TRAPPC10: variants seen among roughly 807,000 people sequenced by gnomAD.
The protein encoded by TRAPPC10 is trafficking protein particle complex subunit 10, also known as TRAPP 130 kDa subunit.
In TRAPPC10, 23 loss-of-function variants were observed where a neutral mutation model predicts 125.5. The ratio of observed to expected loss-of-function variants is 0.18; its 90% CI spans 0.13 to 0.26. The LOEUF (loss-of-function observed/expected upper bound fraction) is 0.26. Ranked by LOEUF, TRAPPC10 falls within the 10% of genes least tolerant of loss-of-function variation. The probability of loss-of-function intolerance (pLI) is 1.00; values close to 1 mark genes in which losing one functional copy is unlikely to be tolerated. For synonymous variants in TRAPPC10, 509 were observed against 518.0 expected (o/e 0.98, Z 0.24); for missense variants, 1,123 against 1,308.4 (o/e 0.86, Z 2.19).
chr21:44,083,211 CA>C lies in TRAPPC10; in HGVS notation c.2148del (p.Val718TrpfsTer10). On this transcript the variant is annotated frameshift_variant, in exon 14 of 23. Transcript: ENST00000291574. LOFTEE classifies it high-confidence loss of function. ...AGCAGCTCCTCTCTAGAGATGCCCT[CA>C]GGGGTGGCTCTGGAGGAGGGTGCCC... ...QESSSSLEMP[S>X]GVALEEGAHV... 6.2e-7 allele frequency: 1 copy of C among 1,614,182 alleles called. No homozygotes were observed. Among genetic ancestry groups the C allele is most frequent in the South Asian group, 1.1e-5 (1 of 91,076 alleles).
chr21:44,032,024 C>G (rs899933321), intron 1 of TRAPPC10, 67 bp from the exon 2 acceptor site: 1 of 1,310,674 alleles, frequency 7.6e-7, no homozygotes, highest in Admixed American at 1.8e-5. Context: ...ATTTATTAAG[C>G]TCTAGAGCCA....
intron 7 of TRAPPC10, among the ~76,000 whole-genome samples, chr21:44,072,327 T>C (rs534190304): frequency 3.4e-4 from 52 of 152,336 alleles, no homozygotes; most frequent in Non-Finnish European, 6.2e-4. Flanking sequence ...CTGCTCTTGC[T>C]TCTGCATCCA....
chr21:44,076,418 G>A, intron 9 of TRAPPC10, 134 bp from the exon 10 acceptor site: 2 of 636,134 alleles, frequency 3.1e-6, no homozygotes, highest in South Asian at 1.9e-5. Flanking sequence ...TGTAGTTTCC[G>A]TTGGCATTGG....
At chr21:44,052,599 A>G (rs987860156) in intron 4 of TRAPPC10, 123 bp downstream of exon 4, 1 of 899,960 alleles carries the variant, frequency 1.1e-6, no homozygotes, top group East Asian at 2.7e-5. Flanking sequence ...GGGTGCTGTC[A>G]AGGAGACCTG....
intron 17 of TRAPPC10, 184 bp from the exon 18 acceptor site, chr21:44,089,649 C>T: frequency 1.6e-6 from 1 of 620,654 alleles, no homozygotes; most frequent in South Asian, 1.5e-5. Flanking sequence ...TGCATAGCTT[C>T]CTGTTTCTCG....
chr21:44,065,758 C>T (rs973562295), intron 7 of TRAPPC10, among the ~76,000 whole-genome samples: 4 of 152,250 alleles, frequency 2.6e-5, no homozygotes, highest in African/African-American at 9.6e-5. Flanking sequence ...CCTCTTTGCA[C>T]ACTTTGCACC....
In TRAPPC10 at chr21:44,086,925, C is replaced by G; in HGVS notation, c.2504C>G (p.Ala835Gly). 1 of 1,614,142 alleles carries G rather than the reference C, an allele frequency of 6.2e-7. No individual in the cohort carries two copies. Residue 835 changes from alanine to glycine, a missense_variant, in exon 16 of 23, where the codon GCG (alanine) becomes GGG (glycine). Coordinates refer to ENST00000291574, the MANE Select transcript of TRAPPC10 (RefSeq NM_003274.5). ...GAAGCCATGCTCATCCTGTGCCAGGCGGAGAGCAGGGCTGTGGTCTACTCC... is the reference window on the plus strand; with the variant it reads ...GAAGCCATGCTCATCCTGTGCCAGGGGGAGAGCAGGGCTGTGGTCTACTCC... Reference protein sequence around the residue: ...NAEAMLILCQAESRAVVYSNT... With the variant: ...NAEAMLILCQGESRAVVYSNT...
intron 7 of TRAPPC10, among the ~76,000 whole-genome samples, chr21:44,071,526 G>A (rs2036867145): frequency 6.6e-6 from 1 of 152,186 alleles, no homozygotes; most frequent in Non-Finnish European, 1.5e-5. Flanking sequence ...TAGAGAAGAA[G>A]CAGAGTGCTC....
chr21:44,064,303 ATGTGTGTGTGTGTGTG>A (rs10526131), intron 7 of TRAPPC10, among the ~76,000 whole-genome samples: 28 of 148,314 alleles, frequency 1.9e-4, no homozygotes, highest in Non-Finnish European at 2.6e-4. Flanking sequence ...TGTCATAAAT[ATGTGTGTGTGTGTGTG>A]TGTGTGTGTG....
chr21:44,041,026 T>C (rs988251186), intron 3 of TRAPPC10, among the ~76,000 whole-genome samples: 3 of 152,232 alleles, frequency 2.0e-5, no homozygotes, highest in Non-Finnish European at 4.4e-5. Context: ...GAATTTTATT[T>C]AGGAGTTTTT....
chr21:44,060,000 T>G lies in TRAPPC10; in HGVS notation c.790+786T>G, dbSNP rs1444712459. On this transcript the variant is annotated intron_variant, in intron 6 of 22. Transcript: ENST00000291574. This position sits in a 1 kb window ranked among gnomAD's most constrained non-coding sequence, Gnocchi z 4.4. Reference sequence around the variant, plus strand: ...CTTTTTGAGAACCCTTGTCACCATGTGTGAAGGAAGGAGTAATTTTGAGGA... The same window carrying G: ...CTTTTTGAGAACCCTTGTCACCATGGGTGAAGGAAGGAGTAATTTTGAGGA... 1 of 155,080 alleles carries G rather than the reference T, an allele frequency of 6.4e-6. No homozygotes were observed. The highest frequency in any genetic ancestry group is 2.4e-5 in the African/African-American group (1 of 41,422). 9.6% of individuals were successfully genotyped at this position (155,080 alleles called of 1,614,324 possible). A position where few individuals can be genotyped will look rare whatever the true frequency, so the allele number is the denominator to read the frequency against.
chr21:44,014,718 A>G (rs1245460676), intron 1 of TRAPPC10, among the ~76,000 whole-genome samples: 4 of 149,508 alleles, frequency 2.7e-5, no homozygotes, highest in Admixed American at 6.7e-5. Context: ...TTGAGCCCCC[A>G]CCCTTGGCCT....
chr21:44,056,319 G>T (rs2035585971), intron 5 of TRAPPC10, among the ~76,000 whole-genome samples: 1 of 152,164 alleles, frequency 6.6e-6, no homozygotes, highest in Admixed American at 6.5e-5. Context: ...TCACTTTTAA[G>T]CCAGTGCTCC....
At chr21:44,052,902 CTG>C (rs1317856692) in intron 4 of TRAPPC10, among the ~76,000 whole-genome samples, 2 of 152,142 alleles carry the variant, frequency 1.3e-5, no homozygotes, top group East Asian at 1.9e-4. Context: ...CCTTCAGAAA[CTG>C]TGAAAGGGAA....
At chr21:44,081,017 C>CTTTTTTTTTTTTT (rs67865929) in intron 13 of TRAPPC10, among the ~76,000 whole-genome samples, 257 of 97,216 alleles carry the variant, frequency 2.6e-3, no homozygotes, top group Non-Finnish European at 3.8e-3. Context: ...TTTTTTTTTT[C>CTTTTTTTTTTTTT]TTTTTTTTTT....
intron 3 of TRAPPC10, among the ~76,000 whole-genome samples, chr21:44,050,591 T>C (rs2035168797): frequency 6.6e-6 from 1 of 152,186 alleles, no homozygotes; most frequent in Admixed American, 6.5e-5. Flanking sequence ...CATGGCGTGT[T>C]GGGGCTTCCA....
Position 44,058,892 on chromosome 21 carries a change from A to G in TRAPPC10, c.679-211A>G, listed in dbSNP as rs567525233. ...ATCTGGTGCTGCCGATAGGTCGGGGAGGGTTCAGAAATTACCTTAGCTTTT... is the reference window on the plus strand; with the variant it reads ...ATCTGGTGCTGCCGATAGGTCGGGGGGGGTTCAGAAATTACCTTAGCTTTT... On this transcript the variant is annotated intron_variant, in intron 5 of 22. Transcript: ENST00000291574. Among the ~76,000 whole-genome samples, 40 of 152,208 alleles carry G rather than the reference A, an allele frequency of 2.6e-4. No individual in the cohort carries two copies. In the East Asian group the frequency reaches 7.3e-3, roughly 28 times the overall value.
At chr21:44,065,206 C>G (rs1011133085) in intron 7 of TRAPPC10, among the ~76,000 whole-genome samples, 3 of 152,148 alleles carry the variant, frequency 2.0e-5, no homozygotes, top group Non-Finnish European at 2.9e-5. Context: ...TTGTTATTAC[C>G]TTGTGGCTGG....
chr21:44,095,661 T>C (rs2146237990), intron 20 of TRAPPC10, among the ~76,000 whole-genome samples: 1 of 152,052 alleles, frequency 6.6e-6, no homozygotes, highest in South Asian at 2.1e-4. Context: ...CCCCTCTAGG[T>C]TTAAGCAATT....
Sources: allele counts gnomAD v4.1 joint callset (sites outside exome capture counted in the v4.1 genomes callset), GRCh38; gene constraint gnomAD v4.1.1; non-coding constraint Gnocchi (gnomAD v3.1); transcripts MANE v1.5; gene names NCBI Gene and HGNC (gene_info 2026-07-23, HGNC 2026-07-21).